PHLPP1: variants seen among roughly 807,000 people sequenced by gnomAD.
PHLPP1 encodes PH domain leucine-rich repeat-containing protein phosphatase 1.
A neutral mutation model predicts 117.2 loss-of-function variants in PHLPP1; 42 were observed. The observed-to-expected ratio is 0.36, with a 90% CI of 0.28 to 0.46. The LOEUF is 0.46. Ranked by LOEUF, PHLPP1 falls within the 20% of genes least tolerant of loss-of-function variation. The pLI is 1.00. For missense variants in PHLPP1, 2,084 were observed against 2,241.9 expected, an observed-to-expected ratio of 0.93 and a Z score of 1.42; for synonymous variants, 1,042 against 970.7, an observed-to-expected ratio of 1.07 and a Z score of -1.37.
intron 1 of PHLPP1, among the ~76,000 whole-genome samples, chr18:62,747,922 G>T (rs918811372): frequency 6.6e-6 from 1 of 151,962 alleles, no homozygotes; most frequent in Non-Finnish European, 1.5e-5. Flanking sequence ...AGATTTTATC[G>T]TATAATTGTC....
chr18:62,838,597 C>T (rs1599075028), intron 2 of PHLPP1, 187 bp from the exon 3 acceptor site: 1 of 516,662 alleles, frequency 1.9e-6, no homozygotes, highest in East Asian at 3.0e-5. Flanking sequence ...AAAACTCCCC[C>T]TTTTTTGGTT....
chr18:62,973,125 ATCAC>A (rs1911098795), intron 15 of PHLPP1, among the ~76,000 whole-genome samples: 1 of 152,244 alleles, frequency 6.6e-6, no homozygotes, highest in South Asian at 2.1e-4. Flanking sequence ...ATGAAATACT[ATCAC>A]TGGTTTGAGA....
intron 15 of PHLPP1, among the ~76,000 whole-genome samples, chr18:62,972,913 G>T (rs1350851662): frequency 1.3e-5 from 2 of 152,218 alleles, no homozygotes. Context: ...AGACAACTTT[G>T]TAGAAGGCTC....
chr18:62,780,533 A>G (rs1913089795), intron 1 of PHLPP1, among the ~76,000 whole-genome samples: 1 of 152,212 alleles, frequency 6.6e-6, no homozygotes, highest in African/African-American at 2.4e-5. Context: ...ATCAGTTTTA[A>G]GAAATCTTAT....
At chr18:62,761,633 A>C (rs1208327962) in intron 1 of PHLPP1, among the ~76,000 whole-genome samples, 2 of 151,206 alleles carry the variant, frequency 1.3e-5, no homozygotes, top group Non-Finnish European at 3.0e-5. Context: ...ACTCCGTCTC[A>C]AAAAAAAATA....
At chr18:62,742,282 A>G (rs1411330302) in intron 1 of PHLPP1, among the ~76,000 whole-genome samples, 4 of 152,194 alleles carry the variant, frequency 2.6e-5, no homozygotes, top group African/African-American at 7.2e-5. Context: ...TCCTATGTAC[A>G]TGACTTTCTT....
In PHLPP1 at chr18:62,951,012, C is replaced by T. The variant is rs946510848; in HGVS notation, c.3324+5741C>T. ...TTTTTTTTTGAGTTGGAGTCTCTCT[C>T]GCTCTGTTGCCCAGGCTGGAGTGCA... On this transcript the variant is annotated intron_variant, in intron 12 of 16. Coordinates refer to ENST00000262719, the MANE Select transcript of PHLPP1 (RefSeq NM_194449.4). Among the ~76,000 whole-genome samples the T allele has an allele frequency of 1.0e-4, 15 of 149,370 alleles. 1 individual carries two copies. In the South Asian group the frequency reaches 2.6e-3, roughly 25 times the overall value.
intron 6 of PHLPP1, among the ~76,000 whole-genome samples, chr18:62,896,516 C>CG (rs1463286116): frequency 1.3e-5 from 2 of 151,914 alleles, no homozygotes; most frequent in Non-Finnish European, 2.9e-5. Context: ...AGGATGGTCT[C>CG]GATCTCCTGA....
chr18:62,768,898 T>C (rs1334970523), intron 1 of PHLPP1, among the ~76,000 whole-genome samples: 2 of 152,326 alleles, frequency 1.3e-5, no homozygotes, highest in Admixed American at 6.5e-5. Flanking sequence ...AATTTTAGTT[T>C]ATAGGTATCA....
intron 1 of PHLPP1, among the ~76,000 whole-genome samples, chr18:62,815,985 T>TGAA (rs1599061971): frequency 1.3e-5 from 2 of 152,330 alleles, no homozygotes; most frequent in East Asian, 3.9e-4. Context: ...GGCAGTTACA[T>TGAA]ATCAATAGTA....
intron 12 of PHLPP1, among the ~76,000 whole-genome samples, chr18:62,953,705 T>G (rs1353158678): frequency 6.6e-6 from 1 of 152,254 alleles, no homozygotes. Flanking sequence ...TTGCATTTAT[T>G]TACTTCTTAT....
intron 14 of PHLPP1, among the ~76,000 whole-genome samples, chr18:62,971,462 A>T (rs571639611): frequency 6.7e-6 from 1 of 149,434 alleles, no homozygotes; most frequent in African/African-American, 2.5e-5. Context: ...TTGAGTTTGG[A>T]GTGGAGACAG....
chr18:62,918,314 T>A (rs1474341078), intron 9 of PHLPP1, among the ~76,000 whole-genome samples: 1 of 151,488 alleles, frequency 6.6e-6, no homozygotes, highest in Non-Finnish European at 1.5e-5. Flanking sequence ...CCAAAAGAAT[T>A]GAACTAAACC....
rs189650782 is a variant in PHLPP1, at chr18:62,967,470, T to G, written c.3560+3998T>G. ...AATAATATCTCATTGTGGTTTTAAT[T>G]TGCATTTCCCTACTCTTTCCATATG... On this transcript the variant is annotated intron_variant, in intron 14 of 16. Coordinates refer to ENST00000262719, the MANE Select transcript of PHLPP1 (RefSeq NM_194449.4). Among the ~76,000 whole-genome samples the G allele has an allele frequency of 1.4e-4, 22 of 152,272 alleles. No homozygotes were observed. The East Asian group carries it at 4.2e-3, about 29-fold the overall frequency.
At chr18:62,842,860 A>G (rs1247070183) in intron 3 of PHLPP1, 1 of 152,238 alleles carries the variant, frequency 6.6e-6, no homozygotes, top group Non-Finnish European at 1.5e-5. Flanking sequence ...CCTATGTAAA[A>G]CATGGCCACA....
intron 1 of PHLPP1, among the ~76,000 whole-genome samples, chr18:62,780,256 T>G (rs1913079968): frequency 6.6e-6 from 1 of 152,228 alleles, no homozygotes; most frequent in South Asian, 2.1e-4. Context: ...TTTGTTTGTT[T>G]TCATTTTTGT....
intron 1 of PHLPP1, among the ~76,000 whole-genome samples, chr18:62,755,558 A>G (rs2144240809): frequency 6.6e-6 from 1 of 152,276 alleles, no homozygotes; most frequent in South Asian, 2.1e-4. Flanking sequence ...GACGCCTGAG[A>G]GAGACTATTC....
At chr18:62,937,605 C>T (rs941066220) in intron 10 of PHLPP1, among the ~76,000 whole-genome samples, 2 of 152,200 alleles carry the variant, frequency 1.3e-5, no homozygotes, top group African/African-American at 4.8e-5. Flanking sequence ...TCTGTCTCTG[C>T]CACTAGTTAC....
At chr18:62,875,893 C>T (rs895336749) in intron 4 of PHLPP1, among the ~76,000 whole-genome samples, 3 of 151,858 alleles carry the variant, frequency 2.0e-5, no homozygotes, top group Non-Finnish European at 2.9e-5. Context: ...CCACCACATC[C>T]GGCTAATTTT....
Sources: allele counts gnomAD v4.1 joint callset (sites outside exome capture counted in the v4.1 genomes callset), GRCh38; gene constraint gnomAD v4.1.1; transcripts MANE v1.5; gene names NCBI Gene and HGNC (gene_info 2026-07-23, HGNC 2026-07-21).